PPP1R13B: variants seen among roughly 807,000 people sequenced by gnomAD.
The protein encoded by PPP1R13B is protein phosphatase 1 regulatory subunit 13B.
PPP1R13B carries 44 observed loss-of-function variants against 119.8 expected under a neutral mutation model. The ratio of observed to expected loss-of-function variants is 0.37; its 90% confidence interval spans 0.29 to 0.47. PPP1R13B has a LOEUF of 0.47. Ranked by LOEUF, PPP1R13B falls within the 20% of genes least tolerant of loss-of-function variation. PPP1R13B has a pLI of 0.99. For missense variants in PPP1R13B, 1,227 were observed against 1,413.5 expected (o/e 0.87, Z 2.12); for synonymous variants, 542 against 561.5 (o/e 0.97, Z 0.49).
intron 4 of PPP1R13B, among the ~76,000 whole-genome samples, chr14:103,769,163 G>A (rs533427669): frequency 6.9e-4 from 105 of 152,174 alleles, no homozygotes; most frequent in African/African-American, 2.2e-3. Flanking sequence ...TTGGCTCACC[G>A]CAACCTGTGC....
intron 9 of PPP1R13B, among the ~76,000 whole-genome samples, chr14:103,744,322 A>G (rs2151969321): frequency 6.6e-6 from 1 of 152,342 alleles, no homozygotes; most frequent in South Asian, 2.1e-4. Flanking sequence ...AAACTCAGAA[A>G]TATCTTAATT....
At chr14:103,752,115 A>G (rs1211833636) in intron 7 of PPP1R13B, among the ~76,000 whole-genome samples, 1 of 152,142 alleles carries the variant, frequency 6.6e-6, no homozygotes, top group Non-Finnish European at 1.5e-5. Flanking sequence ...AGATTTTTAA[A>G]TATTTATGTT....
intron 1 of PPP1R13B, among the ~76,000 whole-genome samples, chr14:103,804,975 T>G (rs1595798003): frequency 6.6e-6 from 1 of 152,158 alleles, no homozygotes; most frequent in East Asian, 1.9e-4. Context: ...TAGCTGGGAT[T>G]ATAGGCGCAC....
chr14:103,736,468 G>C (rs1307369537), intron 15 of PPP1R13B: 2 of 563,254 alleles, frequency 3.6e-6, no homozygotes, highest in Non-Finnish European at 6.4e-6. Flanking sequence ...CCCAGGGCAA[G>C]AGTGTGCTGT....
At chr14:103,780,134 G>A (rs911239864) in intron 3 of PPP1R13B, among the ~76,000 whole-genome samples, 4 of 147,418 alleles carry the variant, frequency 2.7e-5, no homozygotes, top group African/African-American at 1.0e-4. Flanking sequence ...GGGCGACAGA[G>A]TGAGACTCTG....
Position 103,761,655 on chromosome 14 carries a change from C to T in PPP1R13B, c.355-3904G>A, listed in dbSNP as rs895450976. On this transcript the variant is annotated intron_variant, in intron 4 of 16. Coordinates refer to ENST00000202556, the MANE Select transcript of PPP1R13B (RefSeq NM_015316.3). The stretch of plus-strand genomic sequence containing the variant: ...GCAGGTGCCTGTAATCCCAGCTACT[C>T]GGGAGGCTGAGGCAGGATAATCGCT... 1.5e-4 allele frequency among the ~76,000 whole-genome samples: 22 copies of T among 151,286 alleles called. No individual in the cohort carries two copies. In the East Asian group the frequency reaches 1.8e-3, roughly 12 times the overall value.
chr14:103,765,224 G>C (rs1456686187), intron 4 of PPP1R13B, among the ~76,000 whole-genome samples: 1 of 152,098 alleles, frequency 6.6e-6, no homozygotes, highest in African/African-American at 2.4e-5. Flanking sequence ...TTTAAAAATT[G>C]TATACTGGTC....
At position 103,740,566 on chromosome 14, in the gene PPP1R13B, C is replaced by A. The variant is rs1595708732; in HGVS notation, c.1850G>T (p.Gly617Val). ...AVYGKPVLPS[G>V]STSPSPLPFL... Reference sequence around the variant, plus strand: ...CGGCAGCGGCGATGGAGAGGTTGAACCCGAAGGTAAAACGGGCTTACCATA... The same window carrying A: ...CGGCAGCGGCGATGGAGAGGTTGAAACCGAAGGTAAAACGGGCTTACCATA... The change falls in exon 12 of 17, where the codon GGT becomes GTT. Residue 617 changes from glycine to valine, a missense_variant. Coordinates refer to ENST00000202556, the MANE Select transcript of PPP1R13B (RefSeq NM_015316.3). This position sits in a 1 kb window ranked among gnomAD's most constrained non-coding sequence, Gnocchi z 4.6. 6.5e-7 allele frequency: 1 copy of A among 1,542,564 alleles called. No individual in the cohort carries two copies. Among genetic ancestry groups the A allele is most frequent in the South Asian group, 1.2e-5 (1 of 82,332 alleles).
At chr14:103,811,694 T>G (rs1369329507) in intron 1 of PPP1R13B, among the ~76,000 whole-genome samples, 1 of 151,596 alleles carries the variant, frequency 6.6e-6, no homozygotes, top group Admixed American at 6.6e-5. Context: ...ACTAAATAAA[T>G]AAATACATAA....
At chr14:103,797,283 G>GA in intron 2 of PPP1R13B, 88 bp downstream of exon 2, 1 of 1,392,960 alleles carries the variant, frequency 7.2e-7, no homozygotes, top group South Asian at 1.6e-5. Flanking sequence ...ATCTTTATCA[G>GA]AAAAAAAGCA....
At chr14:103,841,708 A>G (rs974360987) in intron 1 of PPP1R13B, among the ~76,000 whole-genome samples, 7 of 152,248 alleles carry the variant, frequency 4.6e-5, no homozygotes, top group African/African-American at 1.7e-4. Flanking sequence ...ATTAAAAAAT[A>G]GTAGCAAACA....
At chr14:103,755,817 T>C (rs2084664082) in intron 5 of PPP1R13B, among the ~76,000 whole-genome samples, 1 of 152,236 alleles carries the variant, frequency 6.6e-6, no homozygotes, top group African/African-American at 2.4e-5. Context: ...AGAAATCTTA[T>C]TAATGGGATA....
rs2084615923 is a variant in PPP1R13B, at chr14:103,754,052, G to A, written c.631+18C>T. On this transcript the variant is annotated intron_variant, in intron 6 of 16. Coordinates refer to ENST00000202556, the MANE Select transcript of PPP1R13B (RefSeq NM_015316.3). Reference sequence around the variant, plus strand: ...GGCCTGGTGAGAGTGGTGTCGAGGGGGTGTTGCAGGCACGTACACAGATTG... The same window carrying A: ...GGCCTGGTGAGAGTGGTGTCGAGGGAGTGTTGCAGGCACGTACACAGATTG... The A allele has an allele frequency of 1.2e-6, 2 of 1,610,098 alleles. No homozygotes were observed. Among genetic ancestry groups the A allele is most frequent in the African/African-American group, 1.3e-5 (1 of 74,876 alleles).
At chr14:103,752,966 T>C in intron 7 of PPP1R13B, 34 bp downstream of exon 7, 1 of 1,594,684 alleles carries the variant, frequency 6.3e-7, no homozygotes, top group Non-Finnish European at 8.6e-7. Context: ...GATGAGAATG[T>C]TTTAATACAA....
chr14:103,779,838 A>C (rs900696744), intron 3 of PPP1R13B, among the ~76,000 whole-genome samples: 2 of 152,052 alleles, frequency 1.3e-5, no homozygotes, highest in Admixed American at 6.6e-5. Flanking sequence ...AGAGGAAAAA[A>C]AAGAAAAAAA....
intron 1 of PPP1R13B, among the ~76,000 whole-genome samples, chr14:103,838,071 A>C (rs920513583): frequency 1.3e-5 from 2 of 152,082 alleles, no homozygotes; most frequent in Non-Finnish European, 1.5e-5. Flanking sequence ...GTGAGCCGAG[A>C]TCACACCACT....
chr14:103,806,460 A>G (rs1242046141), intron 1 of PPP1R13B, among the ~76,000 whole-genome samples: 2 of 152,170 alleles, frequency 1.3e-5, no homozygotes, highest in African/African-American at 4.8e-5. Flanking sequence ...ATGAGTAAAT[A>G]GCTCATAAAA....
intron 9 of PPP1R13B, 121 bp downstream of exon 9, chr14:103,746,252 C>T (rs2084381718): frequency 2.8e-6 from 3 of 1,058,438 alleles, no homozygotes; most frequent in African/African-American, 3.2e-5. Context: ...GAGACTGAGC[C>T]TGGAGTCTGA....
intron 5 of PPP1R13B, among the ~76,000 whole-genome samples, chr14:103,754,715 T>C (rs2084633221): frequency 6.6e-6 from 1 of 152,068 alleles, no homozygotes; most frequent in Non-Finnish European, 1.5e-5. Flanking sequence ...CTGAAATTAC[T>C]GGGCGTACCT....
Sources: allele counts gnomAD v4.1 joint callset (sites outside exome capture counted in the v4.1 genomes callset), GRCh38; gene constraint gnomAD v4.1.1; non-coding constraint Gnocchi (gnomAD v3.1); transcripts MANE v1.5; gene names NCBI Gene and HGNC (gene_info 2026-07-23, HGNC 2026-07-21).